The following LPCAT1 variants were observed in gnomAD, a reference collection of about 807,000 sequenced individuals.
The protein encoded by LPCAT1 is lysophosphatidylcholine acyltransferase 1.
Under a neutral mutation model 60.9 loss-of-function variants are expected in LPCAT1, and 23 were observed. The observed-to-expected ratio is 0.38, with a 90% confidence interval of 0.27 to 0.53. The LOEUF (loss-of-function observed/expected upper bound fraction) is 0.53, where lower values mean the gene tolerates loss of function less well. Ranked by LOEUF, LPCAT1 falls within the 20% of genes least tolerant of loss-of-function variation. LPCAT1 has a pLI of 0.82. For missense variants in LPCAT1, 622 were observed against 723.6 expected, an observed-to-expected ratio of 0.86 and a Z score of 1.61; for synonymous variants, 340 against 301.1, an observed-to-expected ratio of 1.13 and a Z score of -1.34.
intron 3 of LPCAT1, among the ~76,000 whole-genome samples, 173 bp from the exon 4 acceptor site, chr5:1,490,031 C>T (rs1490787755): frequency 6.6e-6 from 1 of 152,234 alleles, no homozygotes; most frequent in African/African-American, 2.4e-5. Context: ...GGAACAGCAC[C>T]CGGGCTTCCC....
chr5:1,507,981 C>T (rs540499979), intron 1 of LPCAT1, among the ~76,000 whole-genome samples: 18 of 152,240 alleles, frequency 1.2e-4, no homozygotes, highest in African/African-American at 1.7e-4. Context: ...CTGATCCACA[C>T]GCACCAGAGG....
chr5:1,466,966 C>A (rs1734439126), intron 12 of LPCAT1, 76 bp from the exon 13 acceptor site: 1 of 1,348,996 alleles, frequency 7.4e-7, no homozygotes. Context: ...GACACCCCAG[C>A]GGCCCTGCCC....
In LPCAT1 at chr5:1,462,171, T is replaced by C. The variant is rs183750181; in HGVS notation, c.*1480A>G. 6.5e-6 allele frequency: 1 copy of C among 152,734 alleles called. No individual in the cohort carries two copies. Among genetic ancestry groups the C allele is most frequent in the African/African-American group, 2.4e-5 (1 of 41,562 alleles). 9.5% of individuals were successfully genotyped at this position (152,734 alleles called of 1,614,324 possible). A position where few individuals can be genotyped will look rare whatever the true frequency, so the allele number is the denominator to read the frequency against. On this transcript the variant is annotated 3_prime_UTR_variant, in exon 14 of 14. Transcript: ENST00000283415. ...TACTTACTGGCCTTGGTGGTCACTTTCTATAGAGATGCCCCAAATATAAAA... is the reference window on the plus strand; with the variant it reads ...TACTTACTGGCCTTGGTGGTCACTTCCTATAGAGATGCCCCAAATATAAAA...
In LPCAT1 at chr5:1,523,914, C is replaced by G; in HGVS notation, c.-70G>C. 1 of 985,608 alleles carries G rather than the reference C, an allele frequency of 1.0e-6. No homozygotes were observed. Among genetic ancestry groups the G allele is most frequent in the Non-Finnish European group, 1.2e-6 (1 of 827,338 alleles). 61.1% of individuals were successfully genotyped at this position (985,608 alleles called of 1,614,324 possible). A position where few individuals can be genotyped will look rare whatever the true frequency, so the allele number is the denominator to read the frequency against. On this transcript the variant is annotated 5_prime_UTR_variant, in exon 1 of 14. Transcript: ENST00000283415. This position sits in a 1 kb window ranked among gnomAD's most constrained non-coding sequence, Gnocchi z 7.1. ...CCGAGCGGGGCCGGGGCTAGCTGGG[C>G]GCGGGTCTCGGGGCGCGGGCCGAGG...
chr5:1,513,766 G>A (rs1019388009), intron 1 of LPCAT1, among the ~76,000 whole-genome samples: 7 of 136,308 alleles, frequency 5.1e-5, no homozygotes, highest in African/African-American at 8.5e-5. Flanking sequence ...ATTCTCACCC[G>A]TGGGGCGGGA....
chr5:1,501,808 C>A (rs1979395), intron 1 of LPCAT1, among the ~76,000 whole-genome samples: 4 of 151,928 alleles, frequency 2.6e-5, no homozygotes, highest in Admixed American at 2.0e-4. Flanking sequence ...TGCTGACCGG[C>A]GCTGACCAAG....
At chr5:1,509,728 G>A (rs775535857) in intron 1 of LPCAT1, among the ~76,000 whole-genome samples, 4 of 152,260 alleles carry the variant, frequency 2.6e-5, no homozygotes, top group East Asian at 1.9e-4. Context: ...CAAACCAAAC[G>A]CTGCCTTCAA....
intron 13 of LPCAT1, among the ~76,000 whole-genome samples, chr5:1,464,759 G>T (rs1034442925): frequency 2.0e-5 from 2 of 102,074 alleles, no homozygotes; most frequent in Non-Finnish European, 4.0e-5. Context: ...CACAAAACAA[G>T]CACACACACG....
In LPCAT1 at chr5:1,480,449, G is replaced by A. The variant is rs894863039; in HGVS notation, c.761+493C>T. On this transcript the variant is annotated intron_variant, in intron 7 of 13. Coordinates refer to ENST00000283415, the MANE Select transcript of LPCAT1 (RefSeq NM_024830.5). The surrounding 1 kb of genome is among the most constrained non-coding windows in gnomAD (Gnocchi z 6.4). ...GAGGCCCTGACCAGCCTGTGGCCCC[G>A]GGCTTCTCCTCTGGGGCTCGTTCCC... The A allele has an allele frequency of 1.2e-5, 10 of 841,302 alleles. No individual in the cohort carries two copies. Among genetic ancestry groups the A allele is most frequent in the South Asian group, 5.4e-5 (1 of 18,490 alleles). 52.1% of individuals were successfully genotyped at this position (841,302 alleles called of 1,614,324 possible).
In LPCAT1 at chr5:1,481,160, GC is replaced by G. The variant is rs1281729446; in HGVS notation, c.727-185del. The stretch of plus-strand genomic sequence containing the variant: ...CCCTGAGGATCCAGGACTCGGACCA[GC>G]CCCCCAGCCTGAGGTCCCCAGAGCC... On this transcript the variant is annotated intron_variant, in intron 6 of 13. Transcript: ENST00000283415. This position sits in a 1 kb window ranked among gnomAD's most constrained non-coding sequence, Gnocchi z 7.8. Among the ~76,000 whole-genome samples, 1 of 152,046 alleles carries G rather than the reference GC, an allele frequency of 6.6e-6. No individual in the cohort carries two copies. The highest frequency in any genetic ancestry group is 1.5e-5 in the Non-Finnish European group (1 of 67,978).
rs1735801705 is a variant in LPCAT1, at chr5:1,496,548, T to TGCGG, written c.279-1635_279-1634insCCGC. ...GCTGCGGCGGGCACAGGAGCCAGTCTCGGGCAGGTTCAGGGGCAGGAGAGA... is the reference window on the plus strand; with the variant it reads ...GCTGCGGCGGGCACAGGAGCCAGTCTGCGGCGGGCAGGTTCAGGGGCAGGAGAGA... On this transcript the variant is annotated intron_variant, in intron 2 of 13. Coordinates refer to ENST00000283415, the MANE Select transcript of LPCAT1 (RefSeq NM_024830.5). The surrounding 1 kb of genome is among the most constrained non-coding windows in gnomAD (Gnocchi z 4.7). 6.6e-6 allele frequency among the ~76,000 whole-genome samples: 1 copy of TGCGG among 151,636 alleles called. No individual in the cohort carries two copies. Among genetic ancestry groups the TGCGG allele is most frequent in the African/African-American group, 2.4e-5 (1 of 41,210 alleles).
chr5:1,487,805 A>T lies in LPCAT1; in HGVS notation c.667+586T>A, dbSNP rs1419313938. ...CAAGGGTGTGCAGAATTCCAAACAG[A>T]CTCAGCGCAAAAAGAACAGTGGACT... On this transcript the variant is annotated intron_variant, in intron 5 of 13. Transcript: ENST00000283415. This position sits in a 1 kb window ranked among gnomAD's most constrained non-coding sequence, Gnocchi z 6.1. Among the ~76,000 whole-genome samples the T allele has an allele frequency of 6.6e-6, 1 of 151,982 alleles. No homozygotes were observed. The highest frequency in any genetic ancestry group is 1.9e-4 in the East Asian group (1 of 5,184).
chr5:1,466,940 G>A (rs1357227908), intron 12 of LPCAT1, 50 bp from the exon 13 acceptor site: 2 of 1,468,508 alleles, frequency 1.4e-6, no homozygotes, highest in Non-Finnish European at 1.8e-6. Flanking sequence ...CTGCCCACCA[G>A]GCCCCGCTGT....
rs1425106997 is a variant in LPCAT1, at chr5:1,502,650, G to T, written c.136-1047C>A. 6.6e-6 allele frequency among the ~76,000 whole-genome samples: 1 copy of T among 152,146 alleles called. No individual in the cohort carries two copies. Among genetic ancestry groups the T allele is most frequent in the Non-Finnish European group, 1.5e-5 (1 of 68,008 alleles). On this transcript the variant is annotated intron_variant, in intron 1 of 13. Transcript: ENST00000283415. This position sits in a 1 kb window ranked among gnomAD's most constrained non-coding sequence, Gnocchi z 5.5. Reference sequence around the variant, plus strand: ...GGCAGGACTCCGTGTAGAGGGGCGGGAGGCTTTGGGTGAGGGGAAACACCA... The same window carrying T: ...GGCAGGACTCCGTGTAGAGGGGCGGTAGGCTTTGGGTGAGGGGAAACACCA...
chr5:1,494,492 G>C (rs1386430751), intron 3 of LPCAT1, among the ~76,000 whole-genome samples: 2 of 151,474 alleles, frequency 1.3e-5, no homozygotes, highest in African/African-American at 2.4e-5. Flanking sequence ...TCCTAGCAGG[G>C]AGGGATCTCT....
intron 7 of LPCAT1, among the ~76,000 whole-genome samples, chr5:1,479,967 C>A (rs1244935861): frequency 6.6e-6 from 1 of 151,938 alleles, no homozygotes; most frequent in Non-Finnish European, 1.5e-5. Context: ...ACAGCCCACA[C>A]CTGTCCCTCC....
chr5:1,498,593 T>C (rs1735883911), intron 2 of LPCAT1, among the ~76,000 whole-genome samples: 1 of 152,108 alleles, frequency 6.6e-6, no homozygotes, highest in African/African-American at 2.4e-5. Flanking sequence ...ACATACATCA[T>C]ACATATGTGG....
intron 11 of LPCAT1, among the ~76,000 whole-genome samples, chr5:1,472,583 AAC>A (rs1734726587): frequency 6.6e-6 from 1 of 152,220 alleles, no homozygotes; most frequent in African/African-American, 2.4e-5. Flanking sequence ...ATAAAAAATT[AAC>A]TGCACAGTGT....
rs1735164121 is a variant in LPCAT1 at position 1,481,960 on chromosome 5, C to T, written c.727-984G>A. On this transcript the variant is annotated intron_variant, in intron 6 of 13. Transcript: ENST00000283415. The surrounding 1 kb of genome is among the most constrained non-coding windows in gnomAD (Gnocchi z 7.8). ...CCAGAACCCTGGCACCCAGAGGTCA[C>T]CTGTATTTCTGCCCCACTATGTCCT... Among the ~76,000 whole-genome samples the T allele has an allele frequency of 6.6e-6, 1 of 152,254 alleles. No homozygotes were observed. Among genetic ancestry groups the T allele is most frequent in the African/African-American group, 2.4e-5 (1 of 41,474 alleles).
Sources: gnomAD v4.1 joint callset for allele counts (sites outside exome capture counted in the v4.1 genomes callset) on GRCh38, gnomAD v4.1.1 for gene constraint, Gnocchi (gnomAD v3.1) non-coding constraint, MANE v1.5 for transcripts, NCBI Gene and HGNC (gene_info 2026-07-23, HGNC 2026-07-21) for gene names.